The following ANKAR variants were observed in gnomAD, a reference collection of about 807,000 sequenced individuals.
ANKAR encodes the protein ankyrin and armadillo repeat containing.
A neutral mutation model predicts 146.2 loss-of-function variants in ANKAR; 136 were observed. That is an observed-to-expected ratio of 0.93 (90% CI 0.81 to 1.07). The LOEUF (loss-of-function observed/expected upper bound fraction) is 1.07, where lower values mean the gene tolerates loss of function less well. Ranked by LOEUF, ANKAR falls within the 50% of genes least tolerant of loss-of-function variation. The pLI is 0.00. For missense variants in ANKAR, 1,567 were observed against 1,679.9 expected (o/e 0.93, Z 1.18); for synonymous variants, 500 against 575.8 (o/e 0.87, Z 1.88).
chr2:189,676,769 C>T lies in ANKAR; in HGVS notation c.279C>T (p.Ala93=). The T allele has an allele frequency of 6.2e-7, 1 of 1,614,130 alleles. No individual in the cohort carries two copies. The highest frequency in any genetic ancestry group is 8.5e-7 in the Non-Finnish European group (1 of 1,180,020). The part of the protein sequence containing the change: ...AILLTPVDPT[A]LLDYREVHQM... ...TACTGACTCCCGTGGACCCTACTGC[C>T]CTCTTAGACTATAGAGAGGTCCATC... The change falls in exon 2 of 23, where the codon GCC becomes GCT. Residue 93 remains alanine (A), a synonymous_variant. Transcript: ENST00000684021.
chr2:189,677,166 G>GTCACGAA, intron 2 of ANKAR, 75 bp downstream of exon 2: 1 of 1,386,366 alleles, frequency 7.2e-7, no homozygotes, highest in Admixed American at 2.9e-5. Flanking sequence ...ACCCAGGGTG[G>GTCACGAA]TCACGAACCC....
intron 18 of ANKAR, chr2:189,754,461 C>T: frequency 6.2e-6 from 6 of 974,410 alleles, no homozygotes; most frequent in Non-Finnish European, 7.4e-6. Flanking sequence ...ATGAATAAAA[C>T]ATGCTATACT....
chr2:189,694,918 A>G, intron 5 of ANKAR, 63 bp from the exon 6 acceptor site: 1 of 1,110,616 alleles, frequency 9.0e-7, no homozygotes, highest in Non-Finnish European at 1.2e-6. Context: ...GCCAGCATAG[A>G]AAGAGAAGTA....
At position 189,743,330 on chromosome 2, in the gene ANKAR, T is replaced by C; in HGVS notation, c.3866T>C (p.Phe1289Ser). The C allele has an allele frequency of 6.2e-7, 1 of 1,614,068 alleles. No homozygotes were observed. The highest frequency in any genetic ancestry group is 1.3e-5 in the African/African-American group (1 of 75,056). Residue 1289 changes from phenylalanine to serine, a missense_variant, in exon 21 of 23, where the codon TTC becomes TCC. Transcript: ENST00000684021. ...TACTTAACATACAATGCAAATGCTT[T>C]CCGCATCCTATTAAAAGAATGCAGG... is the stretch of plus-strand genomic sequence containing the variant. Reference protein sequence around the residue: ...LGYLTYNANAFRILLKECRNK... With the variant: ...LGYLTYNANASRILLKECRNK...
At chr2:189,725,202 AATGT>A (rs1372236123) in intron 12 of ANKAR, among the ~76,000 whole-genome samples, 1 of 151,940 alleles carries the variant, frequency 6.6e-6, no homozygotes, top group African/African-American at 2.4e-5. Flanking sequence ...TGGAACTGGA[AATGT>A]ATGTGTGTAT....
intron 19 of ANKAR, among the ~76,000 whole-genome samples, chr2:189,740,692 A>G (rs1330018480): frequency 1.6e-5 from 1 of 62,722 alleles, no homozygotes; most frequent in Non-Finnish European, 3.0e-5. Context: ...CAAAAAGGAC[A>G]TATTAATTTT....
intron 3 of ANKAR, among the ~76,000 whole-genome samples, chr2:189,690,540 C>T (rs1255343010): frequency 6.6e-6 from 1 of 152,196 alleles, no homozygotes; most frequent in Non-Finnish European, 1.5e-5. Context: ...TCAGTATAAA[C>T]TCTTCATTCA....
intron 19 of ANKAR, among the ~76,000 whole-genome samples, chr2:189,740,460 C>T (rs1455174716): frequency 6.6e-6 from 1 of 152,168 alleles, no homozygotes; most frequent in African/African-American, 2.4e-5. Flanking sequence ...TATCCACATA[C>T]TCCACACAGA....
At chr2:189,690,530 T>G (rs752958123) in intron 3 of ANKAR, among the ~76,000 whole-genome samples, 6 of 152,224 alleles carry the variant, frequency 3.9e-5, no homozygotes, top group Non-Finnish European at 8.8e-5. Flanking sequence ...TGATGGGACT[T>G]CAGTATAAAC....
intron 20 of ANKAR, 118 bp from the exon 21 acceptor site, chr2:189,743,157 A>C: frequency 1.1e-6 from 1 of 910,822 alleles, no homozygotes; most frequent in East Asian, 2.6e-5. Context: ...TTGCATACAT[A>C]TTTGCTTACA....
At chr2:189,685,740 G>A (rs114488914) in intron 2 of ANKAR, among the ~76,000 whole-genome samples, 1 of 152,276 alleles carries the variant, frequency 6.6e-6, no homozygotes, top group African/African-American at 2.4e-5. Context: ...CTTGGAGGGA[G>A]GGCTGTGAGT....
At chr2:189,676,305 A>C in intron 1 of ANKAR, 151 bp from the exon 2 acceptor site, 10 of 561,130 alleles carry the variant, frequency 1.8e-5, no homozygotes, top group Non-Finnish European at 3.0e-5. Flanking sequence ...GTTTTCATAT[A>C]CTGCAGTTAT....
chr2:189,738,127 C>T (rs1369449902), intron 18 of ANKAR, among the ~76,000 whole-genome samples: 1 of 152,018 alleles, frequency 6.6e-6, no homozygotes, highest in Non-Finnish European at 1.5e-5. Flanking sequence ...TTTCATCACC[C>T]CCATATTAAA....
At chr2:189,693,327 C>CAAAATATT in intron 5 of ANKAR, 150 bp downstream of exon 5, 1 of 577,122 alleles carries the variant, frequency 1.7e-6, no homozygotes, top group South Asian at 2.2e-5. Flanking sequence ...ATGGACTCAA[C>CAAAATATT]AAAATATTAA....
chr2:189,704,179 TTGCCCAGGCTGGAGTGCAGTGGCA>T (rs944529372), intron 7 of ANKAR, among the ~76,000 whole-genome samples: 1 of 150,980 alleles, frequency 6.6e-6, no homozygotes, highest in African/African-American at 2.4e-5. Flanking sequence ...TCTCGCTCTA[TTGCCCAGGCTGGAGTGCAGTGGCA>T]TGATCTCTGC....
At chr2:189,716,548 C>G (rs1337072408) in intron 10 of ANKAR, among the ~76,000 whole-genome samples, 1 of 152,078 alleles carries the variant, frequency 6.6e-6, no homozygotes, top group Non-Finnish European at 1.5e-5. Flanking sequence ...CCATCCCCAT[C>G]AAGCTACCAA....
At position 189,695,150 on chromosome 2, in the gene ANKAR, A is replaced by G. The variant is rs1279043150; in HGVS notation, c.1477A>G (p.Met493Val). ...FKKKLGFKRAMKCKSIPFGMK... is the reference protein window; with the variant it reads ...FKKKLGFKRAVKCKSIPFGMK... ...GAAAAAGCTTGGTTTCAAAAGAGCT[A>G]TGAAATGCAAGGTATTTCAGTGACT... The change falls in exon 6 of 23, where the codon ATG becomes GTG. Residue 493 changes from methionine to valine, a missense_variant. Physicochemically the swap from Met to Val is conservative, Grantham distance 21. Transcript: ENST00000684021. The G allele has an allele frequency of 1.9e-6, 3 of 1,603,422 alleles. No homozygotes were observed. The highest frequency in any genetic ancestry group is 2.7e-5 in the African/African-American group (2 of 74,168).
downstream of ANKAR, chr2:189,762,765 A>C (rs2047317886): frequency 1.0e-6 from 1 of 985,382 alleles, no homozygotes; most frequent in Non-Finnish European, 1.2e-6. Flanking sequence ...CTGCAGGAGA[A>C]AGCCCGAACC....
intron 4 of ANKAR, 32 bp from the exon 5 acceptor site, chr2:189,693,042 A>G (rs1216920321): frequency 1.8e-6 from 2 of 1,103,178 alleles, no homozygotes; most frequent in South Asian, 1.4e-5. Context: ...GTGTCTAAGG[A>G]TATGTCTTTA....
Sources: allele counts gnomAD v4.1 joint callset (sites outside exome capture counted in the v4.1 genomes callset), GRCh38; gene constraint gnomAD v4.1.1; transcripts MANE v1.5; gene names NCBI Gene and HGNC (gene_info 2026-07-23, HGNC 2026-07-21).